Variants in NAALADL2 observed in about 807,000 individuals in gnomAD.
NAALADL2 encodes the protein N-acetylated alpha-linked acidic dipeptidase like 2, also known as inactive N-acetylated-alpha-linked acidic dipeptidase-like protein 2.
Under a neutral mutation model 87.2 loss-of-function variants are expected in NAALADL2, and 76 were observed. The ratio of observed to expected loss-of-function variants is 0.87; its 90% CI spans 0.72 to 1.05. The LOEUF (loss-of-function observed/expected upper bound fraction) is 1.05, where lower values mean the gene tolerates loss of function less well. Among genes scored for constraint, NAALADL2 ranks in the 50% least tolerant of loss-of-function variants. The pLI is 0.00. For missense variants in NAALADL2, 1,089 were observed against 945.8 expected, an observed-to-expected ratio of 1.15 and a Z score of -1.99; for synonymous variants, 354 against 331.0, an observed-to-expected ratio of 1.07 and a Z score of -0.75.
chr3:175,132,240 G>A (rs1400769300), intron 2 of NAALADL2, among the ~76,000 whole-genome samples: 1 of 57,076 alleles, frequency 1.8e-5, no homozygotes, highest in Admixed American at 1.5e-4. Flanking sequence ...CCTCCCGGAC[G>A]GGGCGGCTGG....
At chr3:174,921,734 G>C (rs993229965) in intron 1 of NAALADL2, among the ~76,000 whole-genome samples, 1 of 150,018 alleles carries the variant, frequency 6.7e-6, no homozygotes, top group African/African-American at 2.5e-5. Flanking sequence ...GAATCTGGGA[G>C]GCAGAGCTTG....
chr3:175,394,586 A>G (rs1769519801), intron 5 of NAALADL2, among the ~76,000 whole-genome samples: 1 of 152,186 alleles, frequency 6.6e-6, no homozygotes, highest in Non-Finnish European at 1.5e-5. Flanking sequence ...AACAGAAACT[A>G]GATTTAGACA....
chr3:175,651,568 C>G (rs190793952), intron 11 of NAALADL2, among the ~76,000 whole-genome samples: 47 of 152,168 alleles, frequency 3.1e-4, no homozygotes, highest in African/African-American at 1.1e-3. Flanking sequence ...TTTATAGGAA[C>G]AACATAACAG....
In NAALADL2 at chr3:174,721,515, T is replaced by C. The variant is rs558041162; in HGVS notation, c.-114-16126T>C. Among the ~76,000 whole-genome samples the C allele has an allele frequency of 2.0e-5, 3 of 152,290 alleles. No homozygotes were observed. The East Asian group carries it at 5.8e-4, about 29-fold the overall frequency. ...CCGTAATTTTGAATGGCGACTATCC[T>C]TAAAGGAAGATATGGCTCCTTGTTG... On this transcript the variant is annotated intron_variant, in intron 2 of 3. Transcript: ENST00000434257.
chr3:174,496,880 T>C (rs568431565), intron 1 of NAALADL2, among the ~76,000 whole-genome samples: 1 of 140,444 alleles, frequency 7.1e-6, no homozygotes, highest in South Asian at 2.6e-4. Flanking sequence ...AGATCTAGAC[T>C]GAATGTGTTC....
chr3:175,611,677 C>T (rs539026112), intron 10 of NAALADL2, among the ~76,000 whole-genome samples: 1 of 152,174 alleles, frequency 6.6e-6, no homozygotes, highest in South Asian at 2.1e-4. Context: ...AGGAAAGATG[C>T]TATCAGAAAT....
chr3:174,477,214 T>G (rs1215041017), intron 1 of NAALADL2, among the ~76,000 whole-genome samples: 2 of 152,106 alleles, frequency 1.3e-5, no homozygotes, highest in Non-Finnish European at 2.9e-5. Context: ...TTGTGACCAT[T>G]TTGTCCTATA....
chr3:174,473,092 A>G (rs1055231139), intron 1 of NAALADL2, among the ~76,000 whole-genome samples: 18 of 152,174 alleles, frequency 1.2e-4, no homozygotes, highest in African/African-American at 4.1e-4. Context: ...TCCAGTTACC[A>G]GTGTAATTTT....
chr3:174,644,944 G>A (rs897462886), intron 2 of NAALADL2, among the ~76,000 whole-genome samples: 2 of 152,178 alleles, frequency 1.3e-5, no homozygotes, highest in Admixed American at 1.3e-4. Flanking sequence ...CGATACCTGA[G>A]ATAAGAGTTG....
At chr3:174,923,840 A>G (rs893970518) in intron 1 of NAALADL2, among the ~76,000 whole-genome samples, 2 of 152,146 alleles carry the variant, frequency 1.3e-5, no homozygotes, top group African/African-American at 2.4e-5. Flanking sequence ...TAGAGGTAGA[A>G]TACAGAACCT....
chr3:175,584,725 A>G (rs531602682), intron 10 of NAALADL2, among the ~76,000 whole-genome samples: 1 of 152,226 alleles, frequency 6.6e-6, no homozygotes, highest in African/African-American at 2.4e-5. Context: ...AGAGACAATT[A>G]TAATACAATG....
rs10591566 is a variant in NAALADL2, at chr3:175,463,701, G to GGAGAGAGAGAGAGAGAGAGAGA, written c.1327+222_1327+243dup. On this transcript the variant is annotated intron_variant, in intron 7 of 13. Coordinates refer to ENST00000454872, the MANE Select transcript of NAALADL2 (RefSeq NM_207015.3). ...TCTTCTAAAATAAATCTTAGTCGGG[G>GGAGAGAGAGAGAGAGAGAGAGA]GAGAGAGAGAGAGAGAGAGAGAGAG... is the stretch of plus-strand genomic sequence containing the variant. Among the ~76,000 whole-genome samples the GGAGAGAGAGAGAGAGAGAGAGA allele has an allele frequency of 2.3e-3, 270 of 115,484 alleles. 7 individuals carry two copies. The highest frequency in any genetic ancestry group is 1.0e-2 in the African/African-American group (253 of 25,346). The allele number at this position is 115,484 out of a possible 152,430, so 75.8% of individuals were successfully genotyped here.
chr3:174,691,671 G>A (rs978715762), intron 2 of NAALADL2, among the ~76,000 whole-genome samples: 1 of 152,162 alleles, frequency 6.6e-6, no homozygotes, highest in Non-Finnish European at 1.5e-5. Flanking sequence ...ATGCGATGCT[G>A]TTGGATAGCA....
chr3:175,088,656 T>C (rs1417535381), intron 1 of NAALADL2, among the ~76,000 whole-genome samples: 2 of 152,222 alleles, frequency 1.3e-5, no homozygotes, highest in African/African-American at 4.8e-5. Flanking sequence ...ATCTGACAAA[T>C]AGAGTGCTTT....
intron 4 of NAALADL2, among the ~76,000 whole-genome samples, chr3:175,323,544 T>C (rs1487205454): frequency 1.3e-5 from 2 of 150,808 alleles, no homozygotes; most frequent in Non-Finnish European, 3.0e-5. Context: ...CCAAAAAAAG[T>C]AGAAAGTTAA....
At chr3:175,551,829 C>T (rs770930101) in intron 9 of NAALADL2, among the ~76,000 whole-genome samples, 8 of 148,282 alleles carry the variant, frequency 5.4e-5, no homozygotes, top group Admixed American at 2.7e-4. Context: ...ACCTGGGAGG[C>T]GGAGTTTGCT....
intron 9 of NAALADL2, among the ~76,000 whole-genome samples, chr3:175,538,888 C>T (rs1220595966): frequency 6.6e-6 from 1 of 152,114 alleles, no homozygotes; most frequent in Non-Finnish European, 1.5e-5. Flanking sequence ...TTTCACAGCT[C>T]AAGGACAGAT....
At chr3:175,354,243 A>G (rs115083871) in intron 5 of NAALADL2, among the ~76,000 whole-genome samples, 3,387 of 152,312 alleles carry the variant, frequency 0.022, 137 homozygotes, top group African/African-American at 0.076. Context: ...AAGAATTAGT[A>G]TGGTCCAACC....
intron 2 of NAALADL2, among the ~76,000 whole-genome samples, chr3:174,674,997 TTGAC>T (rs1427557205): frequency 1.3e-5 from 2 of 152,230 alleles, no homozygotes; most frequent in African/African-American, 2.4e-5. Flanking sequence ...TTATTGATAT[TTGAC>T]TGAACGCCAC....
Sources: gnomAD v4.1 joint callset for allele counts (sites outside exome capture counted in the v4.1 genomes callset) on GRCh38, gnomAD v4.1.1 for gene constraint, MANE v1.5 for transcripts, NCBI Gene and HGNC (gene_info 2026-07-23, HGNC 2026-07-21) for gene names.